LARP1B: variants seen among roughly 807,000 people sequenced by gnomAD.
LARP1B encodes the protein la-related protein 1B.
LARP1B carries 76 observed loss-of-function variants against 114.2 expected under a neutral mutation model. The ratio of observed to expected loss-of-function variants is 0.67; its 90% CI spans 0.55 to 0.81. LARP1B has a LOEUF of 0.81. Ranked by LOEUF, LARP1B falls within the 30% of genes least tolerant of loss-of-function variation. The pLI, the probability that LARP1B is intolerant of heterozygous loss-of-function variation, is 0.00. For missense variants in LARP1B, 1,014 were observed against 1,075.8 expected, an observed-to-expected ratio of 0.94 and a Z score of 0.80; for synonymous variants, 345 against 348.0, an observed-to-expected ratio of 0.99 and a Z score of 0.10.
At position 128,155,369 on chromosome 4, in the gene LARP1B, C is replaced by T. The variant is rs1001454071; in HGVS notation, c.1525-6825C>T. On this transcript the variant is annotated intron_variant, in intron 11 of 19. Transcript: ENST00000326639. ...CGGAAGCCAGCGGCCGTGGACCACG[C>T]GGAGCCGCCAGCCCGGGGCATGTTC... The T allele has an allele frequency of 2.6e-5, 15 of 573,508 alleles. No individual in the cohort carries two copies. The Admixed American group carries it at 3.0e-4, about 11-fold the overall frequency. 35.5% of individuals were successfully genotyped at this position (573,508 alleles called of 1,614,324 possible). A position where few individuals can be genotyped will look rare whatever the true frequency, so the allele number is the denominator to read the frequency against.
intron 11 of LARP1B, among the ~76,000 whole-genome samples, chr4:128,136,437 TATA>T (rs1325992819): frequency 1.3e-5 from 2 of 152,128 alleles, no homozygotes; most frequent in African/African-American, 4.8e-5. Flanking sequence ...GAAAGTGTCA[TATA>T]ATGATAAAAA....
intron 11 of LARP1B, among the ~76,000 whole-genome samples, chr4:128,153,296 T>C (rs1388669619): frequency 1.2e-3 from 26 of 22,274 alleles, no homozygotes; most frequent in African/African-American, 5.8e-3. Context: ...GTTTGCCATT[T>C]ATTTATTTAT....
In LARP1B at chr4:128,123,466, C is replaced by T. The variant is rs186329685; in HGVS notation, c.1524+1278C>T. 5.2e-4 allele frequency: 420 copies of T among 808,454 alleles called. 6 individuals are homozygous for T. Among genetic ancestry groups the T allele is most frequent in the East Asian group, 2.9e-3 (23 of 8,006 alleles). 50.1% of individuals were successfully genotyped at this position (808,454 alleles called of 1,614,324 possible). ...CAGTTAAAATTATCCTTCCCCCATTCTCTATCCCTTTACCCAGCTTTGTTT... is the reference window on the plus strand; with the variant it reads ...CAGTTAAAATTATCCTTCCCCCATTTTCTATCCCTTTACCCAGCTTTGTTT... On this transcript the variant is annotated intron_variant, in intron 11 of 19. Coordinates refer to ENST00000326639, the MANE Select transcript of LARP1B (RefSeq NM_018078.4).
intron 15 of LARP1B, among the ~76,000 whole-genome samples, chr4:128,189,127 T>C (rs1185265492): frequency 6.6e-6 from 1 of 152,092 alleles, no homozygotes; most frequent in African/African-American, 2.4e-5. Flanking sequence ...TTATAGTCTA[T>C]CTCTCCTCTA....
At chr4:128,110,822 T>G (rs1044469263) in intron 9 of LARP1B, among the ~76,000 whole-genome samples, 9 of 152,122 alleles carry the variant, frequency 5.9e-5, no homozygotes, top group Admixed American at 5.9e-4. Flanking sequence ...GTCATTTCAT[T>G]TCTAAGCATA....
chr4:128,103,497 G>C (rs1241629860), intron 8 of LARP1B, among the ~76,000 whole-genome samples: 1 of 150,266 alleles, frequency 6.7e-6, no homozygotes, highest in Non-Finnish European at 1.5e-5. Context: ...TCCTGAGATA[G>C]TTTGTTTATG....
intron 15 of LARP1B, among the ~76,000 whole-genome samples, chr4:128,184,991 T>G (rs1257406488): frequency 6.6e-6 from 1 of 152,172 alleles, no homozygotes; most frequent in African/African-American, 2.4e-5. Flanking sequence ...TGTGCATATA[T>G]TTACACATAT....
intron 11 of LARP1B, among the ~76,000 whole-genome samples, chr4:128,137,202 C>T (rs1327678777): frequency 6.6e-6 from 1 of 152,022 alleles, no homozygotes; most frequent in Non-Finnish European, 1.5e-5. Flanking sequence ...GCACTTCAAC[C>T]TGGGCGACAG....
At chr4:128,107,676 G>C in intron 9 of LARP1B, 1 of 1,432,822 alleles carries the variant, frequency 7.0e-7, no homozygotes. Context: ...ACTCAAGAGT[G>C]GGGTAGTCTT....
chr4:128,155,913 C>T, intron 11 of LARP1B: 1 of 1,546,274 alleles, frequency 6.5e-7, no homozygotes, highest in Non-Finnish European at 8.9e-7. Flanking sequence ...GCAAAATCCC[C>T]GAAGGAGCCA....
At chr4:128,176,669 A>G (rs767050061) in intron 12 of LARP1B, among the ~76,000 whole-genome samples, 2 of 152,186 alleles carry the variant, frequency 1.3e-5, no homozygotes, top group Non-Finnish European at 1.5e-5. Context: ...TTTGATGAGG[A>G]TACATTTTTT....
At chr4:128,074,219 C>A (rs914434019) in intron 1 of LARP1B, among the ~76,000 whole-genome samples, 1 of 151,980 alleles carries the variant, frequency 6.6e-6, no homozygotes, top group Non-Finnish European at 1.5e-5. Context: ...GGATTACAGG[C>A]GTGAGCCACC....
chr4:128,158,502 C>T (rs949355298), intron 11 of LARP1B, among the ~76,000 whole-genome samples: 1 of 151,798 alleles, frequency 6.6e-6, no homozygotes, highest in African/African-American at 2.4e-5. Context: ...AATAAAAAGG[C>T]AAGTTAAAAA....
intron 12 of LARP1B, among the ~76,000 whole-genome samples, chr4:128,162,878 C>T (rs1011665534): frequency 6.6e-6 from 1 of 152,064 alleles, no homozygotes; most frequent in Non-Finnish European, 1.5e-5. Flanking sequence ...AATTTTGTCT[C>T]GACTCCAGTA....
At chr4:128,077,016 C>T (rs562460944) in intron 3 of LARP1B, among the ~76,000 whole-genome samples, 7 of 152,114 alleles carry the variant, frequency 4.6e-5, no homozygotes, top group East Asian at 3.9e-4. Flanking sequence ...TGTGAGCCAC[C>T]GAACCCATCT....
chr4:128,158,917 C>A (rs747793634), intron 11 of LARP1B, among the ~76,000 whole-genome samples: 3 of 151,962 alleles, frequency 2.0e-5, no homozygotes, highest in Non-Finnish European at 4.4e-5. Flanking sequence ...TGCCTGTAAT[C>A]CCAGCTGTTC....
At chr4:128,109,500 A>C (rs540799844) in intron 9 of LARP1B, among the ~76,000 whole-genome samples, 1 of 152,236 alleles carries the variant, frequency 6.6e-6, no homozygotes, top group South Asian at 2.1e-4. Flanking sequence ...TGCACCAGAA[A>C]ACATTGATTA....
intron 11 of LARP1B, among the ~76,000 whole-genome samples, chr4:128,137,242 AAAC>A (rs1725733535): frequency 6.6e-6 from 1 of 152,148 alleles, no homozygotes; most frequent in East Asian, 1.9e-4. Context: ...AAAAAACAAA[AAAC>A]AAAAACTCCC....
Position 128,211,036 on chromosome 4 carries a change from T to A in LARP1B, c.*983T>A, listed in dbSNP as rs181100293. On this transcript the variant is annotated 3_prime_UTR_variant, in exon 20 of 20. Coordinates refer to ENST00000326639, the MANE Select transcript of LARP1B (RefSeq NM_018078.4). The stretch of plus-strand genomic sequence containing the variant: ...TGTTTTTATAAATGTTTTCAAGAGT[T>A]ATAGCAAATTGATTTCTAATTTTTA... 2.2e-6 allele frequency: 2 copies of A among 902,816 alleles called. No individual in the cohort carries two copies. The highest frequency in any genetic ancestry group is 2.6e-6 in the Non-Finnish European group (2 of 754,856). 55.9% of individuals were successfully genotyped at this position (902,816 alleles called of 1,614,324 possible).
Sources: allele counts gnomAD v4.1 joint callset (sites outside exome capture counted in the v4.1 genomes callset), GRCh38; gene constraint gnomAD v4.1.1; transcripts MANE v1.5; gene names NCBI Gene and HGNC (gene_info 2026-07-23, HGNC 2026-07-21).